The following VPS13D variants were observed in gnomAD, a reference collection of about 807,000 sequenced individuals.
The protein encoded by VPS13D is intermembrane lipid transfer protein VPS13D.
A neutral mutation model predicts 461.9 loss-of-function variants in VPS13D; 187 were observed. The observed-to-expected ratio is 0.40, with a 90% CI of 0.36 to 0.46. The LOEUF (loss-of-function observed/expected upper bound fraction) is 0.46, where lower values mean the gene tolerates loss of function less well. Ranked by LOEUF, VPS13D falls within the 20% of genes least tolerant of loss-of-function variation. The probability of loss-of-function intolerance (pLI) is 0.60; values close to 1 mark genes in which losing one functional copy is unlikely to be tolerated. For synonymous variants in VPS13D, 1,951 were observed against 1,986.3 expected (o/e 0.98, Z 0.47); for missense variants, 4,711 against 5,364.9 (o/e 0.88, Z 3.81).
chr1:12,500,137 T>C (rs1023171836), intron 68 of VPS13D: 1 of 985,226 alleles, frequency 1.0e-6, no homozygotes, highest in Non-Finnish European at 1.2e-6. Context: ...CTTGGTGACT[T>C]CAACTTTATT....
intron 60 of VPS13D, among the ~76,000 whole-genome samples, chr1:12,389,855 G>A (rs182444395): frequency 1.3e-5 from 2 of 152,296 alleles, no homozygotes; most frequent in Non-Finnish European, 2.9e-5. Context: ...CTTAATCACA[G>A]GGCATGGTAA....
intron 63 of VPS13D, among the ~76,000 whole-genome samples, chr1:12,411,912 A>G (rs376459126): frequency 6.6e-6 from 1 of 152,340 alleles, no homozygotes; most frequent in South Asian, 2.1e-4. Context: ...GGCAGTGCAG[A>G]AGCTCCAAGC....
chr1:12,363,063 G>A lies in VPS13D; in HGVS notation c.10273-9G>A, dbSNP rs748555056. 2 of 1,613,812 alleles carry A rather than the reference G, an allele frequency of 1.2e-6. No homozygotes were observed. Among genetic ancestry groups the A allele is most frequent in the Non-Finnish European group, 1.7e-6 (2 of 1,179,794 alleles). ...TGTTGACTAAAGCCTGTGATCCTAT[G>A]TGTTTTAGGGAACAGCCAATCCCGA... On this transcript the variant is annotated splice_polypyrimidine_tract_variant and intron_variant, in intron 51 of 69. Transcript: ENST00000620676.
intron 50 of VPS13D, among the ~76,000 whole-genome samples, chr1:12,359,308 T>C (rs1171009497): frequency 1.3e-5 from 2 of 152,150 alleles, no homozygotes; most frequent in Admixed American, 6.6e-5. Flanking sequence ...TCCCAGCCTC[T>C]CAAAGCAATG....
rs777163004 is a variant in VPS13D at position 12,311,803 on chromosome 1, C to G, written c.6823-10C>G. On this transcript the variant is annotated splice_polypyrimidine_tract_variant and intron_variant, in intron 28 of 69. Transcript: ENST00000620676. ...TCAGCTGTGGATTGACGAGCATTTT[C>G]CTTTTGTAGACTGTCCTGAGTGGAG... The G allele has an allele frequency of 2.5e-6, 4 of 1,609,732 alleles. No homozygotes were observed. The highest frequency in any genetic ancestry group is 3.4e-6 in the Non-Finnish European group (4 of 1,177,620).
chr1:12,404,057 G>T (rs754410699), intron 63 of VPS13D, 84 bp downstream of exon 63: 2 of 1,135,152 alleles, frequency 1.8e-6, no homozygotes, highest in African/African-American at 1.6e-5. Flanking sequence ...GTTTGTTGTT[G>T]TGTGTGTGTG....
intron 13 of VPS13D, among the ~76,000 whole-genome samples, chr1:12,262,848 C>T (rs760364308): frequency 6.6e-6 from 1 of 151,930 alleles, no homozygotes; most frequent in Admixed American, 6.6e-5. Context: ...TGACTACAGG[C>T]GCGCGCCACC....
Position 12,507,073 on chromosome 1 carries a change from C to T in VPS13D, c.13015C>T (p.Pro4339Ser). 6.2e-7 allele frequency: 1 copy of T among 1,614,202 alleles called. No homozygotes were observed. Among genetic ancestry groups the T allele is most frequent in the Non-Finnish European group, 8.5e-7 (1 of 1,180,036 alleles). Residue 4339 changes from proline to serine, a missense_variant, in exon 69 of 70, where the codon CCC becomes TCC. Pro to Ser is a moderately conservative substitution (Grantham distance 74). This residue lies in a region of VPS13D where 194 missense variants were observed against 220.9 expected (regional missense o/e 0.88). Transcript: ENST00000620676. The surrounding 1 kb of genome is among the most constrained non-coding windows in gnomAD (Gnocchi z 5.3). Reference protein sequence around the residue: ...STSSGVSIPGPSHQKPMVHVK... With the variant: ...STSSGVSIPGSSHQKPMVHVK... The stretch of plus-strand genomic sequence containing the variant: ...GAGCAGTGGAGTGTCCATCCCCGGC[C>T]CCTCCCACCAGAAGCCCATGGTGAG...
rs532745603 is a variant in VPS13D, at chr1:12,430,709, G to C, written c.12333+13882G>C. On this transcript the variant is annotated intron_variant, in intron 65 of 69. Coordinates refer to ENST00000620676, the MANE Select transcript of VPS13D (RefSeq NM_015378.4). ...CCAGAGGAGCTTCTGATGCCTTGAA[G>C]ACAGCTGTGAAACATCTTGCTTCCA... is the stretch of plus-strand genomic sequence containing the variant. 1.8e-4 allele frequency among the ~76,000 whole-genome samples: 27 copies of C among 152,316 alleles called. 2 individuals are homozygous for C. The East Asian group carries it at 5.0e-3, about 28-fold the overall frequency.
chr1:12,278,041 G>T lies in VPS13D; in HGVS notation c.4450+3G>T. ...TGAATCTTTGCATAGAGGTCAAGGT[G>T]AGGAGCATCAGTCTTTTGTTCTATT... On this transcript the variant is annotated splice_donor_region_variant and intron_variant, in intron 19 of 69. Coordinates refer to ENST00000620676, the MANE Select transcript of VPS13D (RefSeq NM_015378.4). 2 of 1,604,546 alleles carry T rather than the reference G, an allele frequency of 1.2e-6. No individual in the cohort carries two copies. Among genetic ancestry groups the T allele is most frequent in the Non-Finnish European group, 1.7e-6 (2 of 1,175,496 alleles).
In VPS13D at chr1:12,362,831, G is replaced by A. The variant is rs1180036354; in HGVS notation, c.10253G>A (p.Arg3418Lys). ...KSSHKLAFAQREFARGQGTAN... is the reference protein window; with the variant it reads ...KSSHKLAFAQKEFARGQGTAN... ...TCTCACAAGCTTGCATTTGCACAGAGGGAATTTGCCAGGGGACAGGTGAGC... is the reference window on the plus strand; with the variant it reads ...TCTCACAAGCTTGCATTTGCACAGAAGGAATTTGCCAGGGGACAGGTGAGC... Residue 3418 changes from arginine (R) to lysine (K), a missense_variant, in exon 51 of 70, where the codon AGG becomes AAG. Transcript: ENST00000620676. 1 of 1,614,210 alleles carries A rather than the reference G, an allele frequency of 6.2e-7. No individual in the cohort carries two copies. Among genetic ancestry groups the A allele is most frequent in the South Asian group, 1.1e-5 (1 of 91,070 alleles).
At chr1:12,353,880 AT>A (rs2101599135) in intron 46 of VPS13D, 93 bp from the exon 47 acceptor site, 2 of 1,325,440 alleles carry the variant, frequency 1.5e-6, no homozygotes, top group East Asian at 4.8e-5. Context: ...TCATTGAACC[AT>A]CTTAATGTTA....
At chr1:12,290,780 A>G (rs1410788364) in intron 22 of VPS13D, among the ~76,000 whole-genome samples, 2 of 151,512 alleles carry the variant, frequency 1.3e-5, no homozygotes, top group Non-Finnish European at 2.9e-5. Flanking sequence ...GGACTTCTGC[A>G]TTGAGACTTT....
chr1:12,461,871 A>G (rs1451094359), intron 67 of VPS13D, among the ~76,000 whole-genome samples: 1 of 152,210 alleles, frequency 6.6e-6, no homozygotes, highest in African/African-American at 2.4e-5. Flanking sequence ...TCAGCTTGCA[A>G]GTCTTCATGG....
chr1:12,416,836 A>C lies in VPS13D; in HGVS notation c.12333+9A>C, dbSNP rs1409180294. 6.2e-7 allele frequency: 1 copy of C among 1,606,166 alleles called. No homozygotes were observed. Among genetic ancestry groups the C allele is most frequent in the Non-Finnish European group, 8.5e-7 (1 of 1,176,982 alleles). On this transcript the variant is annotated intron_variant, in intron 65 of 69. Transcript: ENST00000620676. ...CAAACTCTGCTGCCAAGGTAAGGAA[A>C]TAGAGGTGAAATTCCATTATAATTA...
At chr1:12,402,937 G>A (rs1644599365) in intron 62 of VPS13D, among the ~76,000 whole-genome samples, 1 of 152,208 alleles carries the variant, frequency 6.6e-6, no homozygotes, top group Non-Finnish European at 1.5e-5. Context: ...GAGGCAGCAT[G>A]CAGCCCTCAG....
At chr1:12,242,177 G>T (rs915830197) in intron 2 of VPS13D, among the ~76,000 whole-genome samples, 1 of 152,096 alleles carries the variant, frequency 6.6e-6, no homozygotes, top group East Asian at 1.9e-4. Flanking sequence ...CTTCATCAGC[G>T]CCTAAGCTTC....
At chr1:12,333,871 A>G (rs1288430524) in intron 38 of VPS13D, among the ~76,000 whole-genome samples, 1 of 152,228 alleles carries the variant, frequency 6.6e-6, no homozygotes, top group Admixed American at 6.5e-5. Flanking sequence ...ACTGAAATGT[A>G]CATCTCTGGA....
intron 32 of VPS13D, among the ~76,000 whole-genome samples, chr1:12,320,311 A>T (rs772345238): frequency 6.6e-6 from 1 of 152,134 alleles, no homozygotes; most frequent in African/African-American, 2.4e-5. Flanking sequence ...ACAGAAGGGG[A>T]ATCGTGGCAG....
Sources: gnomAD v4.1 joint callset for allele counts (sites outside exome capture counted in the v4.1 genomes callset) on GRCh38, gnomAD v4.1.1 for gene constraint, gnomAD v4.1.1 regional missense constraint, Gnocchi (gnomAD v3.1) non-coding constraint, MANE v1.5 for transcripts, NCBI Gene and HGNC (gene_info 2026-07-23, HGNC 2026-07-21) for gene names.